CLMP: variants seen among roughly 807,000 people sequenced by gnomAD.
The protein encoded by CLMP is CXADR like cell adhesion molecule.
Under a neutral mutation model 45.2 loss-of-function variants are expected in CLMP, and 27 were observed. That is an observed-to-expected ratio of 0.60 (90% CI 0.44 to 0.82). CLMP has a LOEUF of 0.82. CLMP is among the 40% of genes least tolerant of loss of function. CLMP has a pLI of 0.00. For missense variants in CLMP, 403 were observed against 448.4 expected (o/e 0.90, Z 0.91); for synonymous variants, 167 against 171.4 (o/e 0.97, Z 0.20).
intron 1 of CLMP, among the ~76,000 whole-genome samples, chr11:123,160,666 G>T (rs117981027): frequency 0.013 from 2,005 of 152,084 alleles, 22 homozygotes; most frequent in Non-Finnish European, 0.02. Flanking sequence ...AACATCTCAG[G>T]CATGAATTCT....
At chr11:123,099,079 A>G (rs543950810) in intron 1 of CLMP, among the ~76,000 whole-genome samples, 205 of 151,736 alleles carry the variant, frequency 1.4e-3, no homozygotes, top group African/African-American at 4.9e-3. Context: ...CGATTCTCCA[A>G]CCTTGGCCTC....
chr11:123,189,753 A>G (rs1201156232), intron 1 of CLMP, among the ~76,000 whole-genome samples: 1 of 152,164 alleles, frequency 6.6e-6, no homozygotes, highest in Non-Finnish European at 1.5e-5. Flanking sequence ...AATGCCTGTA[A>G]TCCCAGCCCA....
intron 2 of CLMP, 62 bp from the exon 3 acceptor site, chr11:123,084,775 G>A: frequency 2.1e-6 from 3 of 1,450,170 alleles, no homozygotes; most frequent in Non-Finnish European, 2.9e-6. Flanking sequence ...TCCTGATGGT[G>A]TGAAGAAGAG....
chr11:123,176,738 A>T (rs577000578), intron 1 of CLMP, among the ~76,000 whole-genome samples: 7 of 152,306 alleles, frequency 4.6e-5, no homozygotes, highest in African/African-American at 1.7e-4. Context: ...TGAAGGAGAC[A>T]GTGTATGCAT....
intron 4 of CLMP, among the ~76,000 whole-genome samples, 169 bp downstream of exon 4, chr11:123,083,511 A>G (rs901286100): frequency 6.6e-6 from 1 of 152,186 alleles, no homozygotes; most frequent in Admixed American, 6.6e-5. Flanking sequence ...TCATTTGAGG[A>G]AAGGAAAGAC....
At position 123,070,739 on chromosome 11, in the gene CLMP, G is replaced by A. The variant is rs1865662097; in HGVS notation, c.*2735C>T. 6.6e-6 allele frequency: 1 copy of A among 152,154 alleles called. No homozygotes were observed. Among genetic ancestry groups the A allele is most frequent in the Non-Finnish European group, 1.5e-5 (1 of 68,024 alleles). The allele number at this position is 152,154 out of a possible 1,614,324, so 9.4% of individuals were successfully genotyped here. A position where few individuals can be genotyped will look rare whatever the true frequency, so the allele number is the denominator to read the frequency against. On this transcript the variant is annotated 3_prime_UTR_variant, in exon 7 of 7. Coordinates refer to ENST00000448775, the MANE Select transcript of CLMP (RefSeq NM_024769.5). ...GTTGCCTGGATACCACACTACCAGA[G>A]GAATAAAAATGTAGTTAGAGTAAGG...
chr11:123,162,447 T>C lies in CLMP; in HGVS notation c.28+32466A>G, dbSNP rs58708472. Among the ~76,000 whole-genome samples the C allele has an allele frequency of 9.6e-3, 1,467 of 152,150 alleles. 23 individuals carry two copies. The highest frequency in any genetic ancestry group is 0.032 in the African/African-American group (1,321 of 41,492). On this transcript the variant is annotated intron_variant, in intron 1 of 6. Coordinates refer to ENST00000448775, the MANE Select transcript of CLMP (RefSeq NM_024769.5). ...ATGTATAATGCATGTATAATGCAAA[T>C]AGAACAGAGATCCATTAAGAGGAAC...
At chr11:123,114,519 G>A (rs910102602) in intron 1 of CLMP, among the ~76,000 whole-genome samples, 4 of 140,028 alleles carry the variant, frequency 2.9e-5, no homozygotes, top group African/African-American at 1.1e-4. Flanking sequence ...TGCCCAGGCT[G>A]GTCTTGAACT....
In CLMP at chr11:123,194,921, A is replaced by C. The variant is rs757750315; in HGVS notation, c.20T>G (p.Leu7Arg). Residue 7 changes from leucine (L) to arginine (R), a missense_variant, in exon 1 of 7, where the codon CTC becomes CGC. By Grantham distance (102) the Leu-to-Arg change is moderately radical. Coordinates refer to ENST00000448775, the MANE Select transcript of CLMP (RefSeq NM_024769.5). MSLLLL[L>R]LLVSYYVGTL... The stretch of plus-strand genomic sequence containing the variant: ...CTCCCAGAGGCACTCACCTAGCAAG[A>C]GGAGAAGGAGGAGGGACATCCCGAT... 8 of 1,613,146 alleles carry C rather than the reference A, an allele frequency of 5.0e-6. No homozygotes were observed. The highest frequency in any genetic ancestry group is 6.8e-6 in the Non-Finnish European group (8 of 1,179,590).
intron 1 of CLMP, among the ~76,000 whole-genome samples, chr11:123,134,023 G>GCCAA (rs1861030987): frequency 6.6e-6 from 1 of 152,258 alleles, no homozygotes; most frequent in South Asian, 2.1e-4. Context: ...ACTTTGGGAG[G>GCCAA]CCAAGGTGGG....
chr11:123,165,269 G>C (rs1861541957), intron 1 of CLMP, among the ~76,000 whole-genome samples: 1 of 152,210 alleles, frequency 6.6e-6, no homozygotes, highest in African/African-American at 2.4e-5. Context: ...AAAACAGCCT[G>C]AAAGTAGGGA....
chr11:123,123,039 C>A (rs1860839330), intron 1 of CLMP, among the ~76,000 whole-genome samples: 1 of 151,972 alleles, frequency 6.6e-6, no homozygotes, highest in African/African-American at 2.4e-5. Context: ...AGCTTGGAAA[C>A]CCTACCAGAC....
intron 1 of CLMP, among the ~76,000 whole-genome samples, chr11:123,119,140 ATGGCATGATCT>A (rs1860776475): frequency 1.4e-5 from 2 of 144,844 alleles, no homozygotes; most frequent in Non-Finnish European, 3.0e-5. Context: ...CTGGAGTGCA[ATGGCATGATCT>A]TGGCTCACCA....
chr11:123,076,158 CAAAA>C (rs528272771), intron 5 of CLMP, among the ~76,000 whole-genome samples: 6 of 142,022 alleles, frequency 4.2e-5, no homozygotes, highest in Non-Finnish European at 6.2e-5. Flanking sequence ...GACTCTGTCT[CAAAA>C]AAAAAAAATT....
chr11:123,158,887 G>A (rs757614921), intron 1 of CLMP, among the ~76,000 whole-genome samples: 38 of 152,148 alleles, frequency 2.5e-4, no homozygotes, highest in African/African-American at 5.1e-4. Context: ...TAATTGCATC[G>A]AGGGCTTCGA....
At chr11:123,111,237 TCAAGTGCCTCAGCCTTC>T in intron 1 of CLMP, among the ~76,000 whole-genome samples, 1 of 152,066 alleles carries the variant, frequency 6.6e-6, no homozygotes, top group Non-Finnish European at 1.5e-5. Flanking sequence ...CCTCCTGGGT[TCAAGTGCCTCAGCCTTC>T]CAAGTAGCTG....
At chr11:123,150,582 A>AAGGAAAGG (rs780551140) in intron 1 of CLMP, among the ~76,000 whole-genome samples, 15 of 116,932 alleles carry the variant, frequency 1.3e-4, no homozygotes, top group African/African-American at 4.4e-4. Flanking sequence ...GGAAGGAAGG[A>AAGGAAAGG]AAGGAAGGAA....
At position 123,084,440 on chromosome 11, in the gene CLMP, G is replaced by A. The variant is rs138283760; in HGVS notation, c.388+72C>T. ...TGAACATGATGTTTTGTACCACCGTGATGCATATGGCTATCCCTCTTAGAT... is the reference window on the plus strand; with the variant it reads ...TGAACATGATGTTTTGTACCACCGTAATGCATATGGCTATCCCTCTTAGAT... On this transcript the variant is annotated intron_variant, in intron 3 of 6. Coordinates refer to ENST00000448775, the MANE Select transcript of CLMP (RefSeq NM_024769.5). 1.8e-4 allele frequency: 221 copies of A among 1,220,102 alleles called. 1 individual carries two copies. In the East Asian group the frequency reaches 4.6e-3, roughly 25 times the overall value. 75.6% of individuals were successfully genotyped at this position (1,220,102 alleles called of 1,614,324 possible). A position where few individuals can be genotyped will look rare whatever the true frequency, so the allele number is the denominator to read the frequency against.
chr11:123,086,419 T>C (rs1331366955), intron 2 of CLMP, among the ~76,000 whole-genome samples: 1 of 152,166 alleles, frequency 6.6e-6, no homozygotes, highest in Non-Finnish European at 1.5e-5. Context: ...AAAAAAGGCA[T>C]GCAAGCATAT....
Sources: allele counts gnomAD v4.1 joint callset (sites outside exome capture counted in the v4.1 genomes callset), GRCh38; gene constraint gnomAD v4.1.1; transcripts MANE v1.5; gene names NCBI Gene and HGNC (gene_info 2026-07-23, HGNC 2026-07-21).